Variants in ABCC11 observed in about 807,000 individuals in gnomAD.
The protein encoded by ABCC11 is ATP binding cassette subfamily C member 11.
In ABCC11, 135 loss-of-function variants were observed where a neutral mutation model predicts 149.3. The observed-to-expected ratio is 0.90, with a 90% confidence interval of 0.79 to 1.04. ABCC11 has a LOEUF of 1.04. Ranked by LOEUF, ABCC11 falls within the 50% of genes least tolerant of loss-of-function variation. ABCC11 has a pLI of 0.00. For missense variants in ABCC11, 1,680 were observed against 1,722.1 expected, an observed-to-expected ratio of 0.98 and a Z score of 0.43; for synonymous variants, 665 against 671.4, an observed-to-expected ratio of 0.99 and a Z score of 0.15.
chr16:48,182,346 C>T (rs1434520382), intron 23 of ABCC11, among the ~76,000 whole-genome samples: 2 of 152,128 alleles, frequency 1.3e-5, no homozygotes, highest in African/African-American at 2.4e-5. Flanking sequence ...GGTCCTCACC[C>T]TCAGACGCCT....
chr16:48,187,057 T>A lies in ABCC11; in HGVS notation c.2967A>T (p.Arg989Ser). The A allele has an allele frequency of 6.2e-7, 1 of 1,614,168 alleles. No individual in the cohort carries two copies. Among genetic ancestry groups the A allele is most frequent in the Non-Finnish European group, 8.5e-7 (1 of 1,180,022 alleles). ...MFKKAIGVFKRLENYSRSPLF... is the reference protein window; with the variant it reads ...MFKKAIGVFKSLENYSRSPLF... Reference sequence around the variant, plus strand: ...AAGGAGACCGGCTATAGTTCTCCAGTCTCTTGAACACACCGATGGCCTTCT... The same window carrying A: ...AAGGAGACCGGCTATAGTTCTCCAGACTCTTGAACACACCGATGGCCTTCT... The change falls in exon 22 of 30, where the codon AGA becomes AGT. Residue 989 changes from arginine to serine, a missense_variant. Transcript: ENST00000356608.
chr16:48,167,648 C>T lies in ABCC11; in HGVS notation c.3904G>A (p.Asp1302Asn), dbSNP rs1174748693. The T allele has an allele frequency of 5.6e-6, 9 of 1,614,110 alleles. No individual in the cohort carries two copies. The highest frequency in any genetic ancestry group is 1.1e-5 in the South Asian group (1 of 91,080). The change falls in exon 29 of 30, where the codon GAT becomes AAT. Residue 1302 changes from aspartate to asparagine, a missense_variant. Coordinates refer to ENST00000356608, the MANE Select transcript of ABCC11 (RefSeq NM_001370497.1). ...VLRNSKIILI[D>N]EATASIDMET... ...ATGTCAATGGAGGCTGTGGCTTCAT[C>T]GATAAGGATGATCTGATGAATACAA...
At chr16:48,244,677 T>C (rs1971247302) in intron 1 of ABCC11, 7 of 1,227,102 alleles carry the variant, frequency 5.7e-6, no homozygotes, top group African/African-American at 1.6e-5. Flanking sequence ...TCCGGGGACC[T>C]GGGCCCAGGC....
Position 48,215,331 on chromosome 16 carries a change from C to T in ABCC11, c.965G>A (p.Arg322Lys), listed in dbSNP as rs1210171045. 3.1e-6 allele frequency: 5 copies of T among 1,613,630 alleles called. No individual in the cohort carries two copies. Among genetic ancestry groups the T allele is most frequent in the Non-Finnish European group, 4.2e-6 (5 of 1,179,644 alleles). Residue 322 changes from arginine to lysine, a missense_variant, in exon 8 of 30, where the codon AGA (arginine) becomes AAA (lysine). By Grantham distance (26) the Arg-to-Lys change is conservative. Transcript: ENST00000356608. ...GTGATGCTGAGCCTTCACAGCCATT[C>T]TTGTCATGAATACCTGGAGTCAGGA... ...LVFPLAVFMT[R>K]MAVKAQHHTS...
At chr16:48,201,474 CTTTT>C (rs560323114) in intron 14 of ABCC11, among the ~76,000 whole-genome samples, 16 of 123,440 alleles carry the variant, frequency 1.3e-4, no homozygotes, top group African/African-American at 3.7e-4. Context: ...TTTTCTTTTT[CTTTT>C]TTTTTTTTTT....
intron 1 of ABCC11, among the ~76,000 whole-genome samples, chr16:48,240,648 C>A (rs1970919872): frequency 6.6e-6 from 1 of 151,994 alleles, no homozygotes; most frequent in African/African-American, 2.4e-5. Flanking sequence ...TGTAACAAAC[C>A]TGCACATCTG....
chr16:48,172,427 C>CTTTT (rs566472502), intron 26 of ABCC11, among the ~76,000 whole-genome samples: 1 of 137,464 alleles, frequency 7.3e-6, no homozygotes, highest in Non-Finnish European at 1.6e-5. Flanking sequence ...CTATGTTTAA[C>CTTTT]TTTTTTTTTT....
At chr16:48,175,455 C>A in intron 25 of ABCC11, 38 bp from the exon 26 acceptor site, 1 of 1,585,474 alleles carries the variant, frequency 6.3e-7, no homozygotes, top group South Asian at 1.1e-5. Context: ...CAGTTTCCTG[C>A]ATCTGCACTA....
At chr16:48,188,189 G>C (rs1966842140) in intron 20 of ABCC11, among the ~76,000 whole-genome samples, 1 of 152,138 alleles carries the variant, frequency 6.6e-6, no homozygotes, top group Non-Finnish European at 1.5e-5. Context: ...TGCTCTGCAG[G>C]GTCAGTCACA....
At chr16:48,195,270 C>T (rs1326357114) in intron 18 of ABCC11, among the ~76,000 whole-genome samples, 1 of 152,220 alleles carries the variant, frequency 6.6e-6, no homozygotes, top group East Asian at 1.9e-4. Flanking sequence ...TGGCACAGTG[C>T]CTGGAACATA....
At chr16:48,239,510 T>C (rs1970853891) in intron 1 of ABCC11, among the ~76,000 whole-genome samples, 1 of 132,582 alleles carries the variant, frequency 7.5e-6, no homozygotes, top group Non-Finnish European at 1.5e-5. Flanking sequence ...TGCAGTGAGC[T>C]GAGATCGTGC....
At chr16:48,189,465 CTTT>C (rs1242270574) in intron 20 of ABCC11, among the ~76,000 whole-genome samples, 7 of 152,256 alleles carry the variant, frequency 4.6e-5, no homozygotes, top group African/African-American at 1.7e-4. Flanking sequence ...GTTGAGCGAA[CTTT>C]TTAAGATTTA....
At position 48,222,721 on chromosome 16, in the gene ABCC11, C is replaced by G. The variant is rs373583860; in HGVS notation, c.654G>C (p.Leu218=). 2.4e-3 allele frequency: 3,894 copies of G among 1,614,232 alleles called. 132 individuals carry two copies. The South Asian group carries it at 0.039, about 16-fold the overall frequency. ...TGATGATCCAACTGGAGGAGAAACT[C>G]AGAGACTTCACACATTCGGAGAGAA... is the stretch of plus-strand genomic sequence containing the variant. ...ALFLSECVKS[L]SFSSSWIINQ... The change falls in exon 6 of 30, where the codon CTG becomes CTC. Residue 218 remains leucine, a synonymous_variant. Transcript: ENST00000356608.
At chr16:48,243,228 C>T (rs560092433) in intron 1 of ABCC11, among the ~76,000 whole-genome samples, 1 of 151,462 alleles carries the variant, frequency 6.6e-6, no homozygotes, top group Non-Finnish European at 1.5e-5. Context: ...GGCGAAACCC[C>T]GTCTCTACTA....
At chr16:48,200,994 C>T (rs1388447412) in intron 14 of ABCC11, among the ~76,000 whole-genome samples, 1 of 152,116 alleles carries the variant, frequency 6.6e-6, no homozygotes, top group Non-Finnish European at 1.5e-5. Flanking sequence ...ACCCAAAAAA[C>T]ATGTACAAAT....
rs774550050 is a variant in ABCC11, at chr16:48,244,364, G to T, written c.-19+2950C>A. The T allele has an allele frequency of 2.0e-6, 3 of 1,494,606 alleles. No homozygotes were observed. The Admixed American group carries it at 6.1e-5, about 30-fold the overall frequency. The allele number at this position is 1,494,606 out of a possible 1,614,324, so 92.6% of individuals were successfully genotyped here. A position where few individuals can be genotyped will look rare whatever the true frequency, so the allele number is the denominator to read the frequency against. ...GCTGTCTGTCTGGCTCTTTTTGACA[G>T]CCCCCAGTGCGAAAGGCTGCCAGCA... On this transcript the variant is annotated intron_variant, in intron 1 of 29. Coordinates refer to ENST00000356608, the MANE Select transcript of ABCC11 (RefSeq NM_001370497.1).
In ABCC11 at chr16:48,230,494, G is replaced by A. The variant is rs761462381; in HGVS notation, c.179C>T (p.Pro60Leu). ...CAAGGCAGCATCATACTTCCCCCACGGTGGGACAGCTGCCCTCCCTGGAGC... is the reference window on the plus strand; with the variant it reads ...CAAGGCAGCATCATACTTCCCCCACAGTGGGACAGCTGCCCTCCCTGGAGC... ...PEAPGRAAVP[P>L]WGKYDAALRT... Residue 60 changes from proline to leucine, a missense_variant, in exon 3 of 30, where the codon CCG becomes CTG. By Grantham distance (98) the Pro-to-Leu change is moderately conservative. Coordinates refer to ENST00000356608, the MANE Select transcript of ABCC11 (RefSeq NM_001370497.1). The A allele has an allele frequency of 5.6e-6, 9 of 1,612,300 alleles. No individual in the cohort carries two copies. Among genetic ancestry groups the A allele is most frequent in the African/African-American group, 2.7e-5 (2 of 74,982 alleles).
At chr16:48,216,426 T>C in intron 6 of ABCC11, 139 bp from the exon 7 acceptor site, 1 of 735,078 alleles carries the variant, frequency 1.4e-6, no homozygotes, top group Non-Finnish European at 2.2e-6. Context: ...CACCCCAGGT[T>C]CACATCTTTC....
chr16:48,237,037 C>T (rs905049640), intron 1 of ABCC11, among the ~76,000 whole-genome samples: 6 of 152,120 alleles, frequency 3.9e-5, no homozygotes, highest in South Asian at 2.1e-4. Context: ...TTGCAACCTC[C>T]GGCATAAGTG....
Sources: allele counts gnomAD v4.1 joint callset (sites outside exome capture counted in the v4.1 genomes callset), GRCh38; gene constraint gnomAD v4.1.1; transcripts MANE v1.5; gene names NCBI Gene and HGNC (gene_info 2026-07-23, HGNC 2026-07-21).